PFKFB2: variants seen among roughly 807,000 people sequenced by gnomAD.
PFKFB2 encodes the protein 6-phosphofructo-2-kinase/fructose-2,6-biphosphatase 2.
In PFKFB2, 53 loss-of-function variants were observed where a neutral mutation model predicts 68.0. The ratio of observed to expected loss-of-function variants is 0.78; its 90% confidence interval spans 0.63 to 0.98. PFKFB2 has a LOEUF of 0.98. PFKFB2 is among the 50% of genes least tolerant of loss of function. The pLI is 0.00. For missense variants in PFKFB2, 451 were observed against 642.0 expected (o/e 0.70, Z 3.22); for synonymous variants, 222 against 227.6 (o/e 0.98, Z 0.22).
In PFKFB2 at chr1:207,071,223, A is replaced by G; in HGVS notation, c.1258A>G (p.Ile420Val). 1 of 1,613,758 alleles carries G rather than the reference A, an allele frequency of 6.2e-7. No homozygotes were observed. Among genetic ancestry groups the G allele is most frequent in the Non-Finnish European group, 8.5e-7 (1 of 1,179,730 alleles). The part of the protein sequence containing the change: ...LPYLRCPLHT[I>V]FKLTPVAYGC... The stretch of plus-strand genomic sequence containing the variant: ...ATACTTGAGATGCCCTCTCCATACC[A>G]TCTTCAAACTTACTCCTGTGGCCTA... The change falls in exon 13 of 15, where the codon ATC (isoleucine) becomes GTC (valine). Residue 420 changes from isoleucine (I) to valine (V), a missense_variant. By Grantham distance (29) the Ile-to-Val change is conservative (BLOSUM62 3). Transcript: ENST00000367080.
In PFKFB2 at chr1:207,066,143, G is replaced by A. The variant is rs3790620; in HGVS notation, c.632+983G>A. Among the ~76,000 whole-genome samples, 6 of 152,244 alleles carry A rather than the reference G, an allele frequency of 3.9e-5. No individual in the cohort carries two copies. In the East Asian group the frequency reaches 1.2e-3, roughly 29 times the overall value. On this transcript the variant is annotated intron_variant, in intron 8 of 14. Transcript: ENST00000367080. The stretch of plus-strand genomic sequence containing the variant: ...TCAGAGAAATGTCTGATCAATGCCA[G>A]CTGTTGTTACTATGGAAGCATTTGT...
At chr1:207,045,851 C>T (rs146025508) in intron 2 of PFKFB2, 24 of 152,086 alleles carry the variant, frequency 1.6e-4, no homozygotes, top group African/African-American at 4.8e-4. Flanking sequence ...AATAATCAAG[C>T]GGCATGACTA....
At chr1:207,049,148 T>G, upstream of PFKFB2, 2 of 1,614,056 alleles carry the variant, frequency 1.2e-6, no homozygotes, top group Non-Finnish European at 1.7e-6. Flanking sequence ...AACTGTCTCC[T>G]TCTTCTAGCT....
rs1156973953 is a variant in PFKFB2 at position 207,067,507 on chromosome 1, C to T, written c.641C>T (p.Ser214Phe). The T allele has an allele frequency of 6.2e-7, 1 of 1,610,976 alleles. No individual in the cohort carries two copies. Among genetic ancestry groups the T allele is most frequent in the African/African-American group, 1.3e-5 (1 of 74,820 alleles). ...TTCCTTTCCTGTCCCAGGGATCTTT[C>T]TTTCATCAAGGTGATAAACGTGGGC... Reference protein sequence around the residue: ...LDPDNYDKDLSFIKVINVGQR... With the variant: ...LDPDNYDKDLFFIKVINVGQR... Residue 214 changes from serine (S) to phenylalanine (F), a missense_variant, in exon 9 of 15, where the codon TCT (serine) becomes TTT (phenylalanine). Physicochemically the swap from Ser to Phe is radical, Grantham distance 155. Transcript: ENST00000367080.
rs1016407996 is a variant in PFKFB2, at chr1:207,038,802, T to C, written c.-61-3367T>C. Among the ~76,000 whole-genome samples the C allele has an allele frequency of 1.1e-4, 16 of 152,364 alleles. 1 individual carries two copies. Among genetic ancestry groups the C allele is most frequent in the African/African-American group, 3.6e-4 (15 of 41,592 alleles). ...CACACTTATGAACTACAAAAGGATC[T>C]CATAGCACTTGTATTTTTATTTCTT... On this transcript the variant is annotated intron_variant, in intron 1 of 5. Coordinates refer to the PFKFB2 transcript ENST00000545806.
chr1:207,049,508 C>T (rs1449290099), upstream of PFKFB2: 1 of 1,614,176 alleles, frequency 6.2e-7, no homozygotes, highest in Non-Finnish European at 8.5e-7. Flanking sequence ...ACAATTTGTG[C>T]TATGAGGCGT....
upstream of PFKFB2, among the ~76,000 whole-genome samples, chr1:207,052,596 G>A (rs777259351): frequency 1.3e-5 from 2 of 152,162 alleles, no homozygotes; most frequent in African/African-American, 2.4e-5. Context: ...AAAAGTTGCG[G>A]TGCCAAGGTC....
In PFKFB2 at chr1:207,077,582, T is replaced by C; in HGVS notation, c.*5211T>C. 1.0e-6 allele frequency: 1 copy of C among 985,742 alleles called. No homozygotes were observed. Among genetic ancestry groups the C allele is most frequent in the East Asian group, 1.1e-4 (1 of 8,818 alleles). 61.1% of individuals were successfully genotyped at this position (985,742 alleles called of 1,614,324 possible). Reference sequence around the variant, plus strand: ...TGGGGCTGAGCACCTCTGGGTTGAATGGGAATGGGTCAGATTGGGAAGCCT... The same window carrying C: ...TGGGGCTGAGCACCTCTGGGTTGAACGGGAATGGGTCAGATTGGGAAGCCT... On this transcript the variant is annotated 3_prime_UTR_variant, in exon 15 of 15. Transcript: ENST00000367080.
chr1:207,055,962 T>C lies in PFKFB2; in HGVS notation c.85+1160T>C, dbSNP rs905414473. ...TAAGGGCAGAATACCCCATGAGAGA[T>C]AACTAGTATAGCATGATGTTTGAGT... On this transcript the variant is annotated intron_variant, in intron 2 of 14. Transcript: ENST00000367080. Among the ~76,000 whole-genome samples the C allele has an allele frequency of 3.9e-5, 6 of 152,308 alleles. No individual in the cohort carries two copies. In the East Asian group the frequency reaches 9.7e-4, roughly 25 times the overall value.
chr1:207,079,857 C>G (rs1400421098), downstream of PFKFB2: 1 of 152,202 alleles, frequency 6.6e-6, no homozygotes, highest in Non-Finnish European at 1.5e-5. Flanking sequence ...AGAATCAGCC[C>G]GATCAGGGAG....
At chr1:207,046,979 T>C (rs1682614884) in intron 2 of PFKFB2, 1 of 152,180 alleles carries the variant, frequency 6.6e-6, no homozygotes, top group African/African-American at 2.4e-5. Flanking sequence ...GAAGGCAAGC[T>C]TTCTGAGTAA....
chr1:207,034,869 C>A (rs377449119), intron 1 of PFKFB2: 10 of 152,224 alleles, frequency 6.6e-5, no homozygotes, highest in African/African-American at 1.9e-4. Context: ...TTCAAATTTT[C>A]TTTTTTCCAT....
intron 1 of PFKFB2, among the ~76,000 whole-genome samples, chr1:207,038,429 A>G (rs1005043155): frequency 2.0e-5 from 3 of 152,210 alleles, no homozygotes; most frequent in African/African-American, 7.2e-5. Flanking sequence ...CCTGCTTCTA[A>G]TACTTTATTT....
chr1:207,062,524 C>A, intron 3 of PFKFB2, 96 bp from the exon 4 acceptor site: 4 of 1,519,152 alleles, frequency 2.6e-6, no homozygotes, highest in East Asian at 2.3e-5. Context: ...CTTTTTTCAT[C>A]CCCTTGGTCA....
chr1:207,071,601 C>G (rs1371755818), intron 14 of PFKFB2, 28 bp downstream of exon 14: 5 of 1,555,288 alleles, frequency 3.2e-6, no homozygotes, highest in Non-Finnish European at 4.4e-6. Context: ...ATGAACACAC[C>G]AGTTTCCCTG....
rs1683664887 is a variant in PFKFB2 at position 207,077,603 on chromosome 1, A to G, written c.*5232A>G. ...TGAATGGGAATGGGTCAGATTGGGAAGCCTAGGAAGAGAGTTCTACTGTAG... is the reference window on the plus strand; with the variant it reads ...TGAATGGGAATGGGTCAGATTGGGAGGCCTAGGAAGAGAGTTCTACTGTAG... On this transcript the variant is annotated 3_prime_UTR_variant, in exon 15 of 15. Transcript: ENST00000367080. 3 of 985,742 alleles carry G rather than the reference A, an allele frequency of 3.0e-6. No homozygotes were observed. The highest frequency in any genetic ancestry group is 9.4e-5 in the South Asian group (2 of 21,280). 61.1% of individuals were successfully genotyped at this position (985,742 alleles called of 1,614,324 possible). A position where few individuals can be genotyped will look rare whatever the true frequency, so the allele number is the denominator to read the frequency against.
At chr1:207,048,130 A>T (rs1558053367) in intron 2 of PFKFB2, 1 of 152,796 alleles carries the variant, frequency 6.5e-6, no homozygotes, top group Non-Finnish European at 1.5e-5. Context: ...AATTTCAATT[A>T]AAAAAGTACC....
rs1466145455 is a variant in PFKFB2 at position 207,076,563 on chromosome 1, G to C, written c.*4192G>C. ...TGAAGGTGACACAGATGTCAGAATT[G>C]TGTCCAGGGATTTAATTTAGACCCA... On this transcript the variant is annotated 3_prime_UTR_variant, in exon 15 of 15. Transcript: ENST00000367080. 1.0e-6 allele frequency: 1 copy of C among 974,304 alleles called. No individual in the cohort carries two copies. Among genetic ancestry groups the C allele is most frequent in the Non-Finnish European group, 1.2e-6 (1 of 825,538 alleles). 60.4% of individuals were successfully genotyped at this position (974,304 alleles called of 1,614,324 possible). A position where few individuals can be genotyped will look rare whatever the true frequency, so the allele number is the denominator to read the frequency against.
In PFKFB2 at chr1:207,075,370, C is replaced by G; in HGVS notation, c.*2999C>G. Reference sequence around the variant, plus strand: ...CATCCTTTAGTTTCTAAAGCAAGATCCCTTCAGAGAAGTCTAGCAGGAAGA... The same window carrying G: ...CATCCTTTAGTTTCTAAAGCAAGATGCCTTCAGAGAAGTCTAGCAGGAAGA... On this transcript the variant is annotated 3_prime_UTR_variant, in exon 15 of 15. Transcript: ENST00000367080. 1 of 985,444 alleles carries G rather than the reference C, an allele frequency of 1.0e-6. No homozygotes were observed. Among genetic ancestry groups the G allele is most frequent in the Non-Finnish European group, 1.2e-6 (1 of 829,944 alleles). The allele number at this position is 985,444 out of a possible 1,614,324, so 61.0% of individuals were successfully genotyped here.
Sources: gnomAD v4.1 joint callset for allele counts (sites outside exome capture counted in the v4.1 genomes callset) on GRCh38, gnomAD v4.1.1 for gene constraint, MANE v1.5 for transcripts, NCBI Gene and HGNC (gene_info 2026-07-23, HGNC 2026-07-21) for gene names.